NRXN1: variants seen among roughly 807,000 people sequenced by gnomAD.
NRXN1 encodes neurexin 1.
NRXN1 carries 39 observed loss-of-function variants against 150.9 expected under a neutral mutation model. The observed-to-expected ratio is 0.26, with a 90% CI of 0.20 to 0.34. NRXN1 has a LOEUF of 0.34. Ranked by LOEUF, NRXN1 falls within the 10% of genes least tolerant of loss-of-function variation. NRXN1 has a pLI of 1.00. For synonymous variants in NRXN1, 924 were observed against 757.0 expected (o/e 1.22, Z -3.62); for missense variants, 1,815 against 1,949.9 (o/e 0.93, Z 1.30).
At chr2:50,387,789 G>C (rs1036431005) in intron 17 of NRXN1, among the ~76,000 whole-genome samples, 2 of 152,064 alleles carry the variant, frequency 1.3e-5, no homozygotes, top group African/African-American at 2.4e-5. Flanking sequence ...TTAAACACTC[G>C]ATTACTTTTA....
intron 17 of NRXN1, among the ~76,000 whole-genome samples, chr2:50,269,901 A>T (rs890042206): frequency 2.6e-5 from 4 of 152,214 alleles, no homozygotes; most frequent in Non-Finnish European, 4.4e-5. Context: ...ATTTCCCTCC[A>T]TAAGGAATTT....
chr2:50,591,042 A>G (rs1283751225), intron 8 of NRXN1, among the ~76,000 whole-genome samples: 1 of 152,174 alleles, frequency 6.6e-6, no homozygotes, highest in Non-Finnish European at 1.5e-5. Context: ...GACAAAATAT[A>G]TACAAATAAT....
In NRXN1 at chr2:49,919,347, A is replaced by G. The variant is rs1273165376; in HGVS notation, c.*2597T>C. The G allele has an allele frequency of 2.0e-5, 3 of 152,164 alleles. No individual in the cohort carries two copies. Among genetic ancestry groups the G allele is most frequent in the Non-Finnish European group, 4.4e-5 (3 of 67,980 alleles). 9.4% of individuals were successfully genotyped at this position (152,164 alleles called of 1,614,324 possible). ...AGAGTTTGTGTAAGCCAATAATATT[A>G]GAAATAATTTTGCTGATAATAAACT... On this transcript the variant is annotated 3_prime_UTR_variant, in exon 23 of 23. Coordinates refer to ENST00000401669, the MANE Select transcript of NRXN1 (RefSeq NM_001330078.2).
At chr2:50,699,350 T>C (rs186063518) in intron 5 of NRXN1, among the ~76,000 whole-genome samples, 1 of 152,288 alleles carries the variant, frequency 6.6e-6, no homozygotes, top group Non-Finnish European at 1.5e-5. Context: ...AATATGTCCT[T>C]AAGACGTAAT....
rs191002638 is a variant in NRXN1, at chr2:50,350,121, C to G, written c.3365-113151G>C. Among the ~76,000 whole-genome samples the G allele has an allele frequency of 2.1e-3, 313 of 152,314 alleles. 1 individual carries two copies. Among genetic ancestry groups the G allele is most frequent in the Non-Finnish European group, 3.4e-3 (234 of 68,024 alleles). ...GGCTATGTTCCTGCAAACCTCTGAT[C>G]ACATTTTCATCACTGAATCAATCCA... On this transcript the variant is annotated intron_variant, in intron 17 of 22. Coordinates refer to ENST00000401669, the MANE Select transcript of NRXN1 (RefSeq NM_001330078.2).
chr2:50,409,530 T>A (rs577540560), intron 17 of NRXN1, among the ~76,000 whole-genome samples: 2 of 152,210 alleles, frequency 1.3e-5, no homozygotes, highest in Non-Finnish European at 2.9e-5. Context: ...TAAAGAGACA[T>A]ACTTAAGCAC....
intron 21 of NRXN1, among the ~76,000 whole-genome samples, chr2:49,986,071 A>G (rs1680851739): frequency 6.6e-6 from 1 of 152,206 alleles, no homozygotes; most frequent in Admixed American, 6.5e-5. Context: ...AATTGTAGAC[A>G]ACCTAAAAGA....
chr2:50,586,057 T>C (rs1195641544), intron 8 of NRXN1, among the ~76,000 whole-genome samples: 1 of 152,218 alleles, frequency 6.6e-6, no homozygotes, highest in African/African-American at 2.4e-5. Context: ...CCTTCTCAAA[T>C]TGACTCCCAC....
intron 17 of NRXN1, among the ~76,000 whole-genome samples, chr2:50,318,956 T>C (rs1398968088): frequency 6.6e-6 from 1 of 152,100 alleles, no homozygotes; most frequent in Non-Finnish European, 1.5e-5. Context: ...AGGTAAATTA[T>C]TATCACAATA....
chr2:50,083,580 C>A (rs1035169760), intron 19 of NRXN1, among the ~76,000 whole-genome samples: 1 of 152,136 alleles, frequency 6.6e-6, no homozygotes, highest in African/African-American at 2.4e-5. Context: ...AAGGCTTCCA[C>A]AACACGCAAG....
intron 5 of NRXN1, among the ~76,000 whole-genome samples, chr2:50,787,835 G>A (rs981963641): frequency 6.6e-6 from 1 of 151,938 alleles, no homozygotes; most frequent in African/African-American, 2.4e-5. Flanking sequence ...TGGCACTGGT[G>A]ACCTGCCCTG....
intron 18 of NRXN1, among the ~76,000 whole-genome samples, chr2:50,147,551 T>C (rs914614688): frequency 3.3e-5 from 5 of 151,676 alleles, no homozygotes; most frequent in Admixed American, 3.3e-4. Context: ...GACGAGGTGA[T>C]TCTTTGAGAT....
intron 18 of NRXN1, among the ~76,000 whole-genome samples, chr2:50,148,706 T>C (rs1171969134): frequency 6.6e-6 from 1 of 151,692 alleles, no homozygotes; most frequent in Non-Finnish European, 1.5e-5. Context: ...ATGCTACTGT[T>C]CACACTGTCA....
chr2:50,041,480 G>C (rs1284516364), intron 21 of NRXN1, among the ~76,000 whole-genome samples: 3 of 152,138 alleles, frequency 2.0e-5, no homozygotes, highest in Non-Finnish European at 4.4e-5. Context: ...AGGCTTCCTA[G>C]AGATTTTCGC....
chr2:50,431,365 C>T (rs79086793), intron 17 of NRXN1, among the ~76,000 whole-genome samples: 4,356 of 152,162 alleles, frequency 0.029, 220 homozygotes, highest in African/African-American at 0.1. Context: ...TTTAAAAACT[C>T]CCTTGGTTCT....
At chr2:50,927,934 C>T (rs1365395004) in intron 2 of NRXN1, among the ~76,000 whole-genome samples, 1 of 151,862 alleles carries the variant, frequency 6.6e-6, no homozygotes, top group Non-Finnish European at 1.5e-5. Flanking sequence ...AGGCCTGACA[C>T]CAACTTTAGG....
rs201390160 is a variant in NRXN1, at chr2:50,054,992, T to C, written c.3771A>G (p.Arg1257=). ...GCCATTCATCAACTACTCGACCAAG[T>C]CGATATGGAATTCGCTGTCTAGCAA... is the stretch of plus-strand genomic sequence containing the variant. ...LAIARQRIPY[R]LGRVVDEWLL... is the part of the protein sequence containing the mutation. Residue 1257 remains arginine, a synonymous_variant, in exon 20 of 23, where the codon CGA becomes CGG. Transcript: ENST00000401669. 9.4e-6 allele frequency: 15 copies of C among 1,599,122 alleles called. No homozygotes were observed. The African/African-American group carries it at 1.9e-4, about 20-fold the overall frequency.
intron 8 of NRXN1, among the ~76,000 whole-genome samples, chr2:50,577,709 A>C (rs113038770): frequency 1.4e-5 from 2 of 147,206 alleles, no homozygotes; most frequent in Non-Finnish European, 3.0e-5. Flanking sequence ...ACCTGACTGA[A>C]ACACACACAC....
intron 5 of NRXN1, among the ~76,000 whole-genome samples, chr2:50,729,633 G>C (rs1444461869): frequency 1.3e-5 from 2 of 152,118 alleles, no homozygotes; most frequent in African/African-American, 4.8e-5. Flanking sequence ...TCAATGATTT[G>C]CTCCACCTGT....
Sources: allele counts gnomAD v4.1 joint callset (sites outside exome capture counted in the v4.1 genomes callset), GRCh38; gene constraint gnomAD v4.1.1; transcripts MANE v1.5; gene names NCBI Gene and HGNC (gene_info 2026-07-23, HGNC 2026-07-21).